Variants in DNAJC1 observed in about 807,000 individuals in gnomAD.
DNAJC1 encodes DnaJ heat shock protein family (Hsp40) member C1.
A neutral mutation model predicts 76.6 loss-of-function variants in DNAJC1; 58 were observed. The ratio of observed to expected loss-of-function variants is 0.76; its 90% CI spans 0.61 to 0.94. The LOEUF is 0.94. Among genes scored for constraint, DNAJC1 ranks in the 40% least tolerant of loss-of-function variants. DNAJC1 has a pLI of 0.00. For synonymous variants in DNAJC1, 258 were observed against 267.9 expected, an observed-to-expected ratio of 0.96 and a Z score of 0.36; for missense variants, 689 against 677.3, an observed-to-expected ratio of 1.02 and a Z score of -0.19.
chr10:21,943,326 A>T (rs754803664), intron 1 of DNAJC1, among the ~76,000 whole-genome samples: 1 of 152,256 alleles, frequency 6.6e-6, no homozygotes, highest in East Asian at 1.9e-4. Context: ...AAAGGCAAGT[A>T]AAGTAGATAA....
At chr10:22,002,378 C>T (rs925891479) in intron 1 of DNAJC1, among the ~76,000 whole-genome samples, 1 of 152,122 alleles carries the variant, frequency 6.6e-6, no homozygotes, top group Admixed American at 6.5e-5. Context: ...TCTACCCTCA[C>T]TCAACCACCC....
At chr10:21,999,756 T>C (rs1201776294) in intron 1 of DNAJC1, among the ~76,000 whole-genome samples, 3 of 152,100 alleles carry the variant, frequency 2.0e-5, no homozygotes, top group African/African-American at 2.4e-5. Flanking sequence ...CCCGGCTCCT[T>C]GACTCTTAAA....
intron 1 of DNAJC1, among the ~76,000 whole-genome samples, chr10:21,981,229 T>C (rs924569188): frequency 6.6e-6 from 1 of 152,198 alleles, no homozygotes; most frequent in Non-Finnish European, 1.5e-5. Flanking sequence ...ATTACATTTT[T>C]CCCTGATTAC....
intron 10 of DNAJC1, among the ~76,000 whole-genome samples, chr10:21,762,719 C>T (rs1834256144): frequency 6.6e-6 from 1 of 152,088 alleles, no homozygotes; most frequent in South Asian, 2.1e-4. Context: ...AAGTGATCCT[C>T]CCACCTCAGC....
intron 8 of DNAJC1, among the ~76,000 whole-genome samples, chr10:21,875,741 A>G (rs765087381): frequency 4.6e-5 from 7 of 152,168 alleles, no homozygotes; most frequent in Non-Finnish European, 8.8e-5. Context: ...CCTGGCCAAC[A>G]TGACGAAACC....
At chr10:21,942,807 A>G (rs74684273) in intron 1 of DNAJC1, among the ~76,000 whole-genome samples, 12 of 144,900 alleles carry the variant, frequency 8.3e-5, no homozygotes, top group Non-Finnish European at 9.0e-5. Flanking sequence ...CTCCATCTCA[A>G]AAAAAAAAAA....
intron 8 of DNAJC1, among the ~76,000 whole-genome samples, chr10:21,842,868 A>C (rs745404744): frequency 1.3e-5 from 2 of 152,344 alleles, no homozygotes; most frequent in African/African-American, 2.4e-5. Flanking sequence ...AAAATCTACT[A>C]TCTCTCTAGT....
intron 8 of DNAJC1, among the ~76,000 whole-genome samples, chr10:21,871,989 A>C (rs964686645): frequency 6.6e-6 from 1 of 152,054 alleles, no homozygotes; most frequent in African/African-American, 2.4e-5. Context: ...GAAATGAGAC[A>C]GTATGGCTGA....
intron 9 of DNAJC1, among the ~76,000 whole-genome samples, chr10:21,779,194 G>A (rs555441179): frequency 2.0e-5 from 3 of 152,322 alleles, no homozygotes; most frequent in African/African-American, 7.2e-5. Flanking sequence ...ACAAAAGACA[G>A]CAATAACCTC....
At chr10:21,826,835 TTTCTA>T (rs1835265368) in intron 8 of DNAJC1, among the ~76,000 whole-genome samples, 1 of 152,212 alleles carries the variant, frequency 6.6e-6, no homozygotes, top group Non-Finnish European at 1.5e-5. Context: ...ATATCTAGGC[TTTCTA>T]TTCTATTTTA....
chr10:21,836,171 T>C (rs1835449883), intron 8 of DNAJC1, among the ~76,000 whole-genome samples: 1 of 152,190 alleles, frequency 6.6e-6, no homozygotes, highest in Non-Finnish European at 1.5e-5. Context: ...GGGCCAATAT[T>C]CGACATTCTT....
intron 8 of DNAJC1, among the ~76,000 whole-genome samples, chr10:21,819,969 T>C (rs1039332340): frequency 6.6e-6 from 1 of 152,156 alleles, no homozygotes; most frequent in African/African-American, 2.4e-5. Context: ...TAGCACACCA[T>C]AAATTCACCT....
chr10:21,855,300 A>C (rs1304209999), intron 8 of DNAJC1, among the ~76,000 whole-genome samples: 1 of 151,902 alleles, frequency 6.6e-6, no homozygotes, highest in Non-Finnish European at 1.5e-5. Flanking sequence ...GCCATATAAT[A>C]ATTCATTCAT....
intron 9 of DNAJC1, among the ~76,000 whole-genome samples, chr10:21,766,579 A>G (rs1372756681): frequency 1.3e-5 from 2 of 152,188 alleles, no homozygotes; most frequent in Non-Finnish European, 2.9e-5. Context: ...GTTCAATGAC[A>G]GTTCCGTTAT....
At chr10:21,941,095 C>CAAAAAAAAAAAAAA in intron 1 of DNAJC1, among the ~76,000 whole-genome samples, 1 of 39,182 alleles carries the variant, frequency 2.6e-5, no homozygotes, top group Non-Finnish European at 5.5e-5. Context: ...ACTAAAAATA[C>CAAAAAAAAAAAAAA]AAAAAAAAAA....
chr10:21,946,049 C>CTTTTTTTTTTT (rs71510915), intron 1 of DNAJC1, among the ~76,000 whole-genome samples: 21 of 93,322 alleles, frequency 2.3e-4, no homozygotes, highest in African/African-American at 3.4e-4. Flanking sequence ...TTCTTTTCCT[C>CTTTTTTTTTTT]TTTTTTTTTT....
intron 11 of DNAJC1, among the ~76,000 whole-genome samples, chr10:21,757,997 C>A (rs1232190777): frequency 6.6e-6 from 1 of 152,202 alleles, no homozygotes. Context: ...CTGACAGATG[C>A]TAGAGAAATT....
chr10:21,952,320 C>T (rs1337049805), intron 1 of DNAJC1, among the ~76,000 whole-genome samples: 1 of 152,118 alleles, frequency 6.6e-6, no homozygotes, highest in African/African-American at 2.4e-5. Context: ...ACAAGGCTTC[C>T]AATATTTTGA....
At chr10:21,818,093 C>A (rs191609574) in intron 8 of DNAJC1, among the ~76,000 whole-genome samples, 18 of 152,130 alleles carry the variant, frequency 1.2e-4, no homozygotes, top group African/African-American at 1.9e-4. Context: ...GTGAGCCGGG[C>A]GGAACAGAGC....
Sources: allele counts gnomAD v4.1 joint callset (sites outside exome capture counted in the v4.1 genomes callset), GRCh38; gene constraint gnomAD v4.1.1; transcripts MANE v1.5; gene names NCBI Gene and HGNC (gene_info 2026-07-23, HGNC 2026-07-21).